Variants in PTPRE observed in about 807,000 individuals in gnomAD.
PTPRE encodes protein tyrosine phosphatase receptor type E.
PTPRE carries 51 observed loss-of-function variants against 102.0 expected under a neutral mutation model. That is an observed-to-expected ratio of 0.50 (90% CI 0.40 to 0.63). The LOEUF (loss-of-function observed/expected upper bound fraction) is 0.63, where lower values mean the gene tolerates loss of function less well. PTPRE is among the 30% of genes least tolerant of loss of function. The pLI, the probability that PTPRE is intolerant of heterozygous loss-of-function variation, is 0.00. For missense variants in PTPRE, 752 were observed against 915.1 expected, an observed-to-expected ratio of 0.82 and a Z score of 2.30; for synonymous variants, 345 against 348.2, an observed-to-expected ratio of 0.99 and a Z score of 0.10.
intron 10 of PTPRE, among the ~76,000 whole-genome samples, chr10:128,064,158 G>T (rs979568928): frequency 2.6e-5 from 4 of 152,192 alleles, no homozygotes; most frequent in African/African-American, 9.7e-5. Flanking sequence ...GGGGAGCTCA[G>T]CTGGGGCAGA....
At position 128,018,908 on chromosome 10, in the gene PTPRE, T is replaced by C. The variant is rs528115881; in HGVS notation, c.-7-21967T>C. 5.9e-5 allele frequency among the ~76,000 whole-genome samples: 9 copies of C among 152,190 alleles called. No individual in the cohort carries two copies. The South Asian group carries it at 1.7e-3, about 28-fold the overall frequency. On this transcript the variant is annotated intron_variant, in intron 2 of 20. Transcript: ENST00000254667. ...CACACACTCACACAGCACATACAGA[T>C]AGACACACAGATACACAGTGTTTCA...
chr10:128,029,372 G>A (rs979528366), intron 2 of PTPRE, among the ~76,000 whole-genome samples: 1 of 152,214 alleles, frequency 6.6e-6, no homozygotes, highest in African/African-American at 2.4e-5. Flanking sequence ...CACCCACTGT[G>A]AGCCAGGCCT....
At chr10:128,075,762 A>G (rs1476441059) in intron 17 of PTPRE, among the ~76,000 whole-genome samples, 1 of 152,212 alleles carries the variant, frequency 6.6e-6, no homozygotes, top group Non-Finnish European at 1.5e-5. Context: ...TATAAATACT[A>G]TCTTTTTGTG....
At chr10:127,998,127 T>A (rs1853461833) in intron 2 of PTPRE, 1 of 152,180 alleles carries the variant, frequency 6.6e-6, no homozygotes, top group African/African-American at 2.4e-5. Context: ...ATAAAAGAGA[T>A]CTCAAATCCT....
At chr10:127,928,774 T>C (rs1461924327) in intron 1 of PTPRE, among the ~76,000 whole-genome samples, 2 of 152,244 alleles carry the variant, frequency 1.3e-5, no homozygotes, top group Admixed American at 1.3e-4. Flanking sequence ...GCCTCATTGA[T>C]GAATTCACTT....
At chr10:127,966,847 G>A (rs1050283827) in intron 1 of PTPRE, among the ~76,000 whole-genome samples, 3 of 152,122 alleles carry the variant, frequency 2.0e-5, no homozygotes, top group Admixed American at 6.5e-5. Flanking sequence ...TCCTGCGAAG[G>A]AAGTCTCAAG....
At chr10:128,001,509 C>T (rs1853891844) in intron 2 of PTPRE, among the ~76,000 whole-genome samples, 1 of 152,158 alleles carries the variant, frequency 6.6e-6, no homozygotes, top group African/African-American at 2.4e-5. Context: ...ATTGCTTCTT[C>T]GGGGCTGTTC....
chr10:128,073,681 G>T (rs371950348), intron 17 of PTPRE, among the ~76,000 whole-genome samples: 1 of 152,302 alleles, frequency 6.6e-6, no homozygotes, highest in East Asian at 1.9e-4. Context: ...ATAGCTACCC[G>T]CTGCCCTTTA....
chr10:128,035,748 G>A (rs773496906), intron 2 of PTPRE, among the ~76,000 whole-genome samples: 8 of 152,334 alleles, frequency 5.3e-5, no homozygotes, highest in Non-Finnish European at 7.4e-5. Flanking sequence ...GGGCACTTTC[G>A]GGTTTGGTAG....
At chr10:127,916,135 C>T (rs879682879) in intron 1 of PTPRE, among the ~76,000 whole-genome samples, 8 of 152,088 alleles carry the variant, frequency 5.3e-5, no homozygotes, top group Non-Finnish European at 1.2e-4. Flanking sequence ...GAAGGGCCTC[C>T]CCAGGTAGAG....
At chr10:128,022,967 C>G (rs1005748539) in intron 2 of PTPRE, among the ~76,000 whole-genome samples, 3 of 152,240 alleles carry the variant, frequency 2.0e-5, no homozygotes, top group African/African-American at 7.2e-5. Context: ...GAAAATGACT[C>G]TGACCACCTG....
At chr10:127,962,066 CT>C (rs1281499293) in intron 1 of PTPRE, among the ~76,000 whole-genome samples, 2 of 152,180 alleles carry the variant, frequency 1.3e-5, no homozygotes, top group African/African-American at 4.8e-5. Flanking sequence ...AATTTATTAC[CT>C]GTTTTCTTAA....
intron 1 of PTPRE, among the ~76,000 whole-genome samples, chr10:127,911,580 T>C (rs1205748256): frequency 6.6e-6 from 1 of 152,216 alleles, no homozygotes; most frequent in East Asian, 1.9e-4. Flanking sequence ...AGAAAGGGGC[T>C]GTCCTGGGCC....
intron 2 of PTPRE, among the ~76,000 whole-genome samples, chr10:128,010,146 G>A (rs1054357282): frequency 1.3e-5 from 2 of 152,302 alleles, no homozygotes; most frequent in African/African-American, 4.8e-5. Context: ...AAACCAGGCC[G>A]ACTTGTCCCC....
chr10:127,963,003 T>TTG (rs1849948319), intron 1 of PTPRE, among the ~76,000 whole-genome samples: 1 of 152,174 alleles, frequency 6.6e-6, no homozygotes, highest in Non-Finnish European at 1.5e-5. Flanking sequence ...AACCTGGGTC[T>TTG]ATAGGCCTTG....
At chr10:127,956,511 T>G (rs1849411852) in intron 1 of PTPRE, among the ~76,000 whole-genome samples, 1 of 152,222 alleles carries the variant, frequency 6.6e-6, no homozygotes, top group Admixed American at 6.5e-5. Flanking sequence ...GTTTGGGCAA[T>G]TAAGAATAAA....
intron 2 of PTPRE, among the ~76,000 whole-genome samples, chr10:127,985,682 T>C (rs1852025617): frequency 6.6e-6 from 1 of 152,234 alleles, no homozygotes; most frequent in Admixed American, 6.5e-5. Context: ...TTTCCAACTT[T>C]TAAGGAAGGC....
intron 2 of PTPRE, 43 bp from the exon 3 acceptor site, chr10:128,040,832 C>G (rs749991050): frequency 6.6e-6 from 10 of 1,523,102 alleles, no homozygotes; most frequent in Non-Finnish European, 9.1e-6. Flanking sequence ...GGTCCCACAG[C>G]TGCTGCTGGA....
At chr10:128,023,785 A>G (rs7900939) in intron 2 of PTPRE, among the ~76,000 whole-genome samples, 100,800 of 152,038 alleles carry the variant, frequency 0.66, 33,585 homozygotes, top group African/African-American at 0.69. Flanking sequence ...TGTGAATTGT[A>G]GTTTACTTTT....
Sources: allele counts gnomAD v4.1 joint callset (sites outside exome capture counted in the v4.1 genomes callset), GRCh38; gene constraint gnomAD v4.1.1; transcripts MANE v1.5; gene names NCBI Gene and HGNC (gene_info 2026-07-23, HGNC 2026-07-21).